Variants in PARD3B observed in about 807,000 individuals in gnomAD.
PARD3B encodes par-3 family cell polarity regulator beta.
In PARD3B, 103 loss-of-function variants were observed where a neutral mutation model predicts 130.2. The observed-to-expected ratio is 0.79, with a 90% CI of 0.67 to 0.93. PARD3B has a LOEUF of 0.93. Ranked by LOEUF, PARD3B falls within the 40% of genes least tolerant of loss-of-function variation. The probability of loss-of-function intolerance (pLI) is 0.00; values close to 1 mark genes in which losing one functional copy is unlikely to be tolerated. For missense variants in PARD3B, 1,609 were observed against 1,499.2 expected (o/e 1.07, Z -1.21); for synonymous variants, 583 against 553.2 (o/e 1.05, Z -0.76).
chr2:204,832,458 G>GT (rs943126751), intron 2 of PARD3B, among the ~76,000 whole-genome samples: 22 of 152,174 alleles, frequency 1.4e-4, no homozygotes, highest in African/African-American at 4.6e-4. Context: ...TTCTCGGTCT[G>GT]TAGCATGTTC....
At chr2:205,279,975 A>G (rs1244790720) in intron 16 of PARD3B, among the ~76,000 whole-genome samples, 1 of 152,206 alleles carries the variant, frequency 6.6e-6, no homozygotes, top group Admixed American at 6.5e-5. Flanking sequence ...AATTGTGACC[A>G]CTTATTTTCA....
At chr2:204,614,815 T>C (rs1294079203) in intron 1 of PARD3B, among the ~76,000 whole-genome samples, 3 of 152,170 alleles carry the variant, frequency 2.0e-5, no homozygotes. Flanking sequence ...TCTGCCATGA[T>C]TGGAAGCTTC....
intron 2 of PARD3B, among the ~76,000 whole-genome samples, chr2:204,923,737 C>T (rs2047771184): frequency 6.6e-6 from 1 of 151,916 alleles, no homozygotes; most frequent in Non-Finnish European, 1.5e-5. Flanking sequence ...TATGACACCA[C>T]TGATGCTAAC....
chr2:205,322,181 C>T (rs576862707), intron 18 of PARD3B, among the ~76,000 whole-genome samples: 11 of 152,292 alleles, frequency 7.2e-5, no homozygotes, highest in Non-Finnish European at 1.3e-4. Context: ...ATTTTGAAAA[C>T]ATAAATGCAC....
chr2:205,383,139 G>T (rs543480532), intron 18 of PARD3B, among the ~76,000 whole-genome samples: 1 of 129,868 alleles, frequency 7.7e-6, no homozygotes, highest in Non-Finnish European at 1.7e-5. Flanking sequence ...TAGATAGATA[G>T]ATCGATCTAA....
At position 205,116,521 on chromosome 2, in the gene PARD3B, A is replaced by T. The variant is rs1370933020; in HGVS notation, c.681-2400A>T. Among the ~76,000 whole-genome samples the T allele has an allele frequency of 6.6e-6, 1 of 152,190 alleles. No homozygotes were observed. The highest frequency in any genetic ancestry group is 1.5e-5 in the Non-Finnish European group (1 of 68,026). ...GCTGTGGATTTCAGCATCCTTTATC[A>T]CTGTTCATTAATGCAAATTAACTGG... On this transcript the variant is annotated intron_variant, in intron 6 of 22. Coordinates refer to ENST00000406610, the MANE Select transcript of PARD3B (RefSeq NM_001302769.2). The surrounding 1 kb of genome is among the most constrained non-coding windows in gnomAD (Gnocchi z 4.5).
intron 3 of PARD3B, among the ~76,000 whole-genome samples, chr2:205,034,008 G>A (rs1195311543): frequency 6.6e-6 from 1 of 152,092 alleles, no homozygotes; most frequent in African/African-American, 2.4e-5. Context: ...GCATTAGTGT[G>A]AATCGTGTTT....
rs186957653 is a variant in PARD3B at position 205,372,568 on chromosome 2, A to C, written c.2631-28445A>C. Among the ~76,000 whole-genome samples, 381 of 152,358 alleles carry C rather than the reference A, an allele frequency of 2.5e-3. 2 individuals are homozygous for C. The highest frequency in any genetic ancestry group is 4.5e-3 in the Non-Finnish European group (303 of 68,028). On this transcript the variant is annotated intron_variant, in intron 18 of 22. Transcript: ENST00000406610. ...AAAGGTAAATAATTGGAAATGAGAAATGTAGAGAAAAATGAGGAAAAAATT... is the reference window on the plus strand; with the variant it reads ...AAAGGTAAATAATTGGAAATGAGAACTGTAGAGAAAAATGAGGAAAAAATT...
intron 21 of PARD3B, among the ~76,000 whole-genome samples, chr2:205,533,603 C>T (rs1233796318): frequency 6.6e-6 from 1 of 152,024 alleles, no homozygotes; most frequent in East Asian, 1.9e-4. Flanking sequence ...TAACAGGAAA[C>T]ATAAGTGTTC....
chr2:205,030,312 A>G (rs1697327468), intron 3 of PARD3B, among the ~76,000 whole-genome samples: 1 of 152,196 alleles, frequency 6.6e-6, no homozygotes, highest in Non-Finnish European at 1.5e-5. Flanking sequence ...ACCAAGCGAC[A>G]ACCAATTAAA....
rs980739543 is a variant in PARD3B at position 204,943,017 on chromosome 2, C to T, written c.223-22135C>T. Reference sequence around the variant, plus strand: ...TCCAGAACCAGGCTGCACATGTCCCCCTGAAAAATAAAAATTAAAAAAGAA... The same window carrying T: ...TCCAGAACCAGGCTGCACATGTCCCTCTGAAAAATAAAAATTAAAAAAGAA... On this transcript the variant is annotated intron_variant, in intron 2 of 22. Coordinates refer to ENST00000406610, the MANE Select transcript of PARD3B (RefSeq NM_001302769.2). The surrounding 1 kb of genome is among the most constrained non-coding windows in gnomAD (Gnocchi z 4.2). Among the ~76,000 whole-genome samples the T allele has an allele frequency of 2.7e-5, 4 of 150,734 alleles. No individual in the cohort carries two copies. The highest frequency in any genetic ancestry group is 5.9e-5 in the Non-Finnish European group (4 of 67,952).
intron 2 of PARD3B, among the ~76,000 whole-genome samples, chr2:204,795,852 C>T (rs940971019): frequency 6.6e-6 from 1 of 152,076 alleles, no homozygotes; most frequent in South Asian, 2.1e-4. Context: ...TAATTTCTTT[C>T]CCTTAAAATT....
At chr2:205,318,350 C>T (rs1255764641) in intron 18 of PARD3B, among the ~76,000 whole-genome samples, 1 of 152,112 alleles carries the variant, frequency 6.6e-6, no homozygotes, top group Non-Finnish European at 1.5e-5. Context: ...AGACCTTTGA[C>T]CCAGAAACAC....
intron 2 of PARD3B, among the ~76,000 whole-genome samples, chr2:204,910,568 C>T (rs928373567): frequency 6.6e-6 from 1 of 152,174 alleles, no homozygotes; most frequent in Admixed American, 6.6e-5. Flanking sequence ...AATGACCCTA[C>T]AATGTTTGGC....
intron 2 of PARD3B, among the ~76,000 whole-genome samples, chr2:204,777,289 A>G (rs777302749): frequency 1.3e-5 from 2 of 152,192 alleles, no homozygotes; most frequent in Non-Finnish European, 2.9e-5. Context: ...ATTTAAAAGT[A>G]TTGTGCCATC....
intron 4 of PARD3B, among the ~76,000 whole-genome samples, chr2:205,052,419 G>GTGTATATATATATA (rs1467760914): frequency 1.5e-4 from 6 of 39,770 alleles, no homozygotes; most frequent in African/African-American, 4.6e-4. Context: ...ATATATATAT[G>GTGTATATATATATA]TATATATATA....
At chr2:205,067,614 A>G (rs925774830) in intron 4 of PARD3B, among the ~76,000 whole-genome samples, 3 of 152,184 alleles carry the variant, frequency 2.0e-5, no homozygotes, top group Admixed American at 2.0e-4. Flanking sequence ...TTAAGTTGGA[A>G]TTTAAGCCTT....
intron 2 of PARD3B, among the ~76,000 whole-genome samples, chr2:204,707,274 C>T (rs2038213908): frequency 6.6e-6 from 1 of 152,130 alleles, no homozygotes; most frequent in South Asian, 2.1e-4. Flanking sequence ...GTACTATTGT[C>T]AGGAATTTGT....
At chr2:204,823,939 CA>C (rs5837938) in intron 2 of PARD3B, among the ~76,000 whole-genome samples, 366 of 108,830 alleles carry the variant, frequency 3.4e-3, no homozygotes, top group Middle Eastern at 0.011. Context: ...GACTCAGTCT[CA>C]AAAAAAAAAA....
Sources: allele counts gnomAD v4.1 joint callset (sites outside exome capture counted in the v4.1 genomes callset), GRCh38; gene constraint gnomAD v4.1.1; non-coding constraint Gnocchi (gnomAD v3.1); transcripts MANE v1.5; gene names NCBI Gene and HGNC (gene_info 2026-07-23, HGNC 2026-07-21).